Variants in CEP128 observed in about 807,000 individuals in gnomAD.
The protein encoded by CEP128 is centrosomal protein 128kDa.
In CEP128, 132 loss-of-function variants were observed where a neutral mutation model predicts 156.7. That is an observed-to-expected ratio of 0.84 (90% confidence interval 0.73 to 0.97). The LOEUF is 0.97. CEP128 is among the 50% of genes least tolerant of loss of function. The pLI, the probability that CEP128 is intolerant of heterozygous loss-of-function variation, is 0.00. For synonymous variants in CEP128, 469 were observed against 448.9 expected (o/e 1.04, Z -0.57); for missense variants, 1,252 against 1,281.9 (o/e 0.98, Z 0.36).
intron 20 of CEP128, among the ~76,000 whole-genome samples, chr14:80,562,748 C>A (rs73326700): frequency 1.6e-3 from 238 of 147,364 alleles, no homozygotes; most frequent in African/African-American, 5.6e-3. Context: ...GCAGCCTATA[C>A]CTTCCATGCT....
chr14:80,694,730 C>T (rs1566861480), intron 19 of CEP128, among the ~76,000 whole-genome samples: 1 of 150,604 alleles, frequency 6.6e-6, no homozygotes, highest in Non-Finnish European at 1.5e-5. Context: ...AGGGGAACAT[C>T]ACACACTGGG....
At chr14:80,548,532 C>A (rs1054034029) in intron 21 of CEP128, among the ~76,000 whole-genome samples, 5 of 152,184 alleles carry the variant, frequency 3.3e-5, no homozygotes, top group Non-Finnish European at 5.9e-5. Context: ...CAGATAGGCT[C>A]TCTTAAAGAG....
chr14:80,936,758 A>G (rs1300080516), intron 2 of CEP128, among the ~76,000 whole-genome samples: 3 of 152,242 alleles, frequency 2.0e-5, no homozygotes, highest in Non-Finnish European at 4.4e-5. Flanking sequence ...ATTCACAGAA[A>G]TCAAATGACC....
intron 10 of CEP128, among the ~76,000 whole-genome samples, chr14:80,838,846 TA>T (rs1886213720): frequency 6.6e-6 from 1 of 152,216 alleles, no homozygotes; most frequent in Admixed American, 6.5e-5. Context: ...TCCTTAATGA[TA>T]CTGCCATTAG....
In CEP128 at chr14:80,592,240, C is replaced by T. The variant is rs544732708; in HGVS notation, c.2807-11817G>A. 4.0e-5 allele frequency among the ~76,000 whole-genome samples: 6 copies of T among 151,892 alleles called. No individual in the cohort carries two copies. In the South Asian group the frequency reaches 1.2e-3, roughly 32 times the overall value. On this transcript the variant is annotated intron_variant, in intron 19 of 24. Transcript: ENST00000555265. ...GGAGCTGGTTTTTTGAAAATACTAA[C>T]AAAATAGACCACTATCCAGATTAAT...
At chr14:80,895,242 A>G (rs1249334159) in intron 8 of CEP128, among the ~76,000 whole-genome samples, 1 of 152,114 alleles carries the variant, frequency 6.6e-6, no homozygotes, top group African/African-American at 2.4e-5. Flanking sequence ...TTTCAAGTGG[A>G]ACCATATCAG....
chr14:80,827,907 C>T (rs1207985232), intron 13 of CEP128, among the ~76,000 whole-genome samples: 1 of 152,018 alleles, frequency 6.6e-6, no homozygotes, highest in East Asian at 1.9e-4. Flanking sequence ...TGCATTGACC[C>T]ACACCTCTCT....
At chr14:80,578,041 T>C (rs1039096964) in intron 20 of CEP128, among the ~76,000 whole-genome samples, 2 of 152,210 alleles carry the variant, frequency 1.3e-5, no homozygotes, top group Non-Finnish European at 2.9e-5. Flanking sequence ...TAATTCCCTG[T>C]CAGTTCTGCC....
chr14:80,860,677 T>C (rs1356613058), intron 9 of CEP128, among the ~76,000 whole-genome samples: 1 of 152,000 alleles, frequency 6.6e-6, no homozygotes, highest in Non-Finnish European at 1.5e-5. Flanking sequence ...ACATATCCTC[T>C]TCAAAGTAAT....
intron 19 of CEP128, among the ~76,000 whole-genome samples, chr14:80,599,141 G>C (rs1214825374): frequency 6.6e-6 from 1 of 151,992 alleles, no homozygotes; most frequent in Non-Finnish European, 1.5e-5. Flanking sequence ...AGTATTTTGG[G>C]CACAATGACA....
At chr14:80,488,646 A>C (rs1172291163), downstream of CEP128, among the ~76,000 whole-genome samples, 2 of 152,240 alleles carry the variant, frequency 1.3e-5, no homozygotes, top group East Asian at 1.9e-4. Flanking sequence ...ATATACCCAA[A>C]GGATTATAAA....
chr14:80,599,489 A>G (rs1215704042), intron 19 of CEP128, among the ~76,000 whole-genome samples: 2 of 151,566 alleles, frequency 1.3e-5, no homozygotes, highest in East Asian at 1.9e-4. Flanking sequence ...GTTAGCCAGG[A>G]TGGTCTCAAT....
rs547056811 is a variant in CEP128 at position 80,702,288 on chromosome 14, G to C, written c.2806+40787C>G. 3.3e-5 allele frequency among the ~76,000 whole-genome samples: 5 copies of C among 152,206 alleles called. No homozygotes were observed. In the South Asian group the frequency reaches 1.0e-3, roughly 32 times the overall value. On this transcript the variant is annotated intron_variant, in intron 19 of 24. Transcript: ENST00000555265. ...TTCTTGAAGGAAAGATTAATCAAAG[G>C]TTCAAGGTTTAGGAGGAAAATCAGA...
chr14:80,540,189 G>C (rs1889680366), intron 21 of CEP128, among the ~76,000 whole-genome samples: 1 of 129,366 alleles, frequency 7.7e-6, no homozygotes, highest in Admixed American at 8.1e-5. Flanking sequence ...CCTACTCCCT[G>C]TTCTTACACC....
chr14:80,657,242 G>A (rs1472475544), intron 19 of CEP128, among the ~76,000 whole-genome samples: 1 of 151,438 alleles, frequency 6.6e-6, no homozygotes, highest in Non-Finnish European at 1.5e-5. Flanking sequence ...GGGCAATAGA[G>A]CCAGACTCTA....
intron 14 of CEP128, among the ~76,000 whole-genome samples, chr14:80,787,801 A>G (rs891434722): frequency 6.6e-6 from 1 of 152,200 alleles, no homozygotes; most frequent in Non-Finnish European, 1.5e-5. Flanking sequence ...CATACCATGT[A>G]AAGTGTCTTT....
chr14:80,760,007 G>T (rs1364103024), intron 17 of CEP128, among the ~76,000 whole-genome samples: 1 of 151,570 alleles, frequency 6.6e-6, no homozygotes, highest in Non-Finnish European at 1.5e-5. Context: ...AACAAACCAT[G>T]CTGTTACAAA....
In CEP128 at chr14:80,761,510, A is replaced by G; in HGVS notation, c.2480T>C (p.Ile827Thr). 2 of 1,612,834 alleles carry G rather than the reference A, an allele frequency of 1.2e-6. No individual in the cohort carries two copies. Among genetic ancestry groups the G allele is most frequent in the Admixed American group, 1.7e-5 (1 of 60,002 alleles). Residue 827 changes from isoleucine to threonine, a missense_variant, in exon 17 of 25, where the codon ATT becomes ACT. By Grantham distance (89) the Ile-to-Thr change is moderately conservative. Transcript: ENST00000555265. ...LLCLETEQESILGVIGKEIDA... is the reference protein window; with the variant it reads ...LLCLETEQESTLGVIGKEIDA... ...AATTTCCTTTCCTATCACACCAAGA[A>G]TGGATTCCTGTTCAGTCTCCAAGCA...
At chr14:80,936,744 G>C (rs1455449162) in intron 2 of CEP128, among the ~76,000 whole-genome samples, 1 of 152,098 alleles carries the variant, frequency 6.6e-6, no homozygotes, top group East Asian at 1.9e-4. Context: ...TACATAAGCA[G>C]ACAATTCACA....
Sources: gnomAD v4.1 joint callset for allele counts (sites outside exome capture counted in the v4.1 genomes callset) on GRCh38, gnomAD v4.1.1 for gene constraint, MANE v1.5 for transcripts, NCBI Gene and HGNC (gene_info 2026-07-23, HGNC 2026-07-21) for gene names.